MS4A4E: variants seen among roughly 807,000 people sequenced by gnomAD.
MS4A4E encodes the protein putative membrane-spanning 4-domains subfamily A member 4E.
In MS4A4E, 23 loss-of-function variants were observed where a neutral mutation model predicts 13.3. The ratio of observed to expected loss-of-function variants is 1.73; its 90% CI spans 1.25 to 2.45. The LOEUF is 2.45. Among genes scored for constraint, MS4A4E ranks in the 30% most tolerant of loss-of-function variants. The pLI is 0.00. For missense variants in MS4A4E, 144 were observed against 131.2 expected (o/e 1.10, Z -0.48); for synonymous variants, 36 against 45.6 (o/e 0.79, Z 0.85).
intron 4 of MS4A4E, 57 bp from the exon 5 acceptor site, chr11:60,213,189 G>A (rs762065416): frequency 8.1e-6 from 9 of 1,110,792 alleles, no homozygotes; most frequent in South Asian, 1.4e-5. Context: ...ATATATCTCT[G>A]TTAATTACTT....
Position 60,200,273 on chromosome 11 carries a change from T to C in MS4A4E, c.*1270A>G, listed in dbSNP as rs1234640434. Reference sequence around the variant, plus strand: ...AGGAAAAAAAATACTGGATAAATACTTTTTATTTATTTATTTATTTATTTA... The same window carrying C: ...AGGAAAAAAAATACTGGATAAATACCTTTTATTTATTTATTTATTTATTTA... On this transcript the variant is annotated 3_prime_UTR_variant, in exon 9 of 9. Coordinates refer to ENST00000651255, the MANE Select transcript of MS4A4E (RefSeq NM_001393391.1). Among the ~76,000 whole-genome samples the C allele has an allele frequency of 6.6e-6, 1 of 151,622 alleles. No homozygotes were observed. Among genetic ancestry groups the C allele is most frequent in the African/African-American group, 2.4e-5 (1 of 41,116 alleles).
intron 5 of MS4A4E, among the ~76,000 whole-genome samples, chr11:60,211,960 A>G (rs1393118583): frequency 6.6e-6 from 1 of 152,208 alleles, no homozygotes; most frequent in Non-Finnish European, 1.5e-5. Flanking sequence ...TAATAATTAT[A>G]AAGATTAAAT....
intron 2 of MS4A4E, among the ~76,000 whole-genome samples, chr11:60,229,297 T>G (rs1387207023): frequency 2.0e-5 from 3 of 152,106 alleles, no homozygotes; most frequent in African/African-American, 7.2e-5. Flanking sequence ...TAACTATATT[T>G]CTCTCCAAAA....
intron 3 of MS4A4E, among the ~76,000 whole-genome samples, chr11:60,217,210 G>GA (rs2084207521): frequency 6.6e-6 from 1 of 152,140 alleles, no homozygotes; most frequent in Non-Finnish European, 1.5e-5. Flanking sequence ...AGAAAGAGCT[G>GA]AAATTGTGGA....
Position 60,200,543 on chromosome 11 carries a change from C to T in MS4A4E, c.*1000G>A, listed in dbSNP as rs975476063. ...TCTGTTTAACAAAGCACACCTTGCACCGCCCTTAATCCATTTAACCCTGAG... is the reference window on the plus strand; with the variant it reads ...TCTGTTTAACAAAGCACACCTTGCATCGCCCTTAATCCATTTAACCCTGAG... On this transcript the variant is annotated 3_prime_UTR_variant, in exon 9 of 9. Coordinates refer to ENST00000651255, the MANE Select transcript of MS4A4E (RefSeq NM_001393391.1). Among the ~76,000 whole-genome samples the T allele has an allele frequency of 3.3e-5, 5 of 152,112 alleles. No individual in the cohort carries two copies. Among genetic ancestry groups the T allele is most frequent in the Non-Finnish European group, 7.4e-5 (5 of 68,016 alleles).
At chr11:60,206,512 T>TATGTATATATATATACACAC (rs141037502) in intron 6 of MS4A4E, among the ~76,000 whole-genome samples, 1 of 98,346 alleles carries the variant, frequency 1.0e-5, no homozygotes, top group African/African-American at 4.8e-5. Context: ...TATATATATA[T>TATGTATATATATATACACAC]ACACACACAC....
chr11:60,206,257 A>G (rs1466502057), intron 6 of MS4A4E, among the ~76,000 whole-genome samples: 1 of 151,808 alleles, frequency 6.6e-6, no homozygotes, highest in Admixed American at 6.6e-5. Context: ...TTTTAGCAAT[A>G]CCTTTTTGCC....
chr11:60,225,645 T>A (rs534497256), intron 3 of MS4A4E, among the ~76,000 whole-genome samples: 2 of 152,144 alleles, frequency 1.3e-5, no homozygotes, highest in African/African-American at 4.8e-5. Context: ...ATTTATGGGA[T>A]GTAGTGAAAG....
chr11:60,226,432 T>C (rs1387515463), intron 3 of MS4A4E, among the ~76,000 whole-genome samples: 2 of 152,120 alleles, frequency 1.3e-5, no homozygotes, highest in Admixed American at 1.3e-4. Flanking sequence ...AAAAGAATTA[T>C]ATACCATAAC....
intron 3 of MS4A4E, among the ~76,000 whole-genome samples, chr11:60,223,861 T>A (rs1174445666): frequency 6.6e-6 from 1 of 152,138 alleles, no homozygotes; most frequent in African/African-American, 2.4e-5. Context: ...TCCTTGTGAT[T>A]GTGTGACTCA....
rs542035636 is a variant in MS4A4E, at chr11:60,222,489, G to A, written c.178+6105C>T. 2.0e-5 allele frequency among the ~76,000 whole-genome samples: 3 copies of A among 152,266 alleles called. No homozygotes were observed. In the South Asian group the frequency reaches 6.2e-4, roughly 32 times the overall value. ...CCAGGTGACAATACTTTTCAGGGCT[G>A]GGGCAATGTTCTCCAGAAGGCTGTG... On this transcript the variant is annotated intron_variant, in intron 3 of 8. Transcript: ENST00000651255.
intron 3 of MS4A4E, among the ~76,000 whole-genome samples, chr11:60,216,873 A>G (rs2134936802): frequency 6.6e-6 from 1 of 152,256 alleles, no homozygotes; most frequent in South Asian, 2.1e-4. Context: ...TGGAAAGACT[A>G]GACTCATTTA....
At position 60,212,214 on chromosome 11, in the gene MS4A4E, G is replaced by A. The variant is rs1473678687; in HGVS notation, c.381+760C>T. Among the ~76,000 whole-genome samples the A allele has an allele frequency of 2.0e-5, 3 of 151,836 alleles. No homozygotes were observed. The East Asian group carries it at 5.8e-4, about 29-fold the overall frequency. Reference sequence around the variant, plus strand: ...AGGATAAAAGTGGTTAACGTTGCAAGAACATCCAAAGATGTGGGAAAGGAT... The same window carrying A: ...AGGATAAAAGTGGTTAACGTTGCAAAAACATCCAAAGATGTGGGAAAGGAT... On this transcript the variant is annotated intron_variant, in intron 5 of 8. Coordinates refer to ENST00000651255, the MANE Select transcript of MS4A4E (RefSeq NM_001393391.1).
rs1008942679 is a variant in MS4A4E, at chr11:60,201,478, G to A, written c.*65C>T. On this transcript the variant is annotated 3_prime_UTR_variant, in exon 9 of 9. Transcript: ENST00000651255. Reference sequence around the variant, plus strand: ...CGCTCCTCACCTCCCAGACGGGGTCGCGGCCGGGCAGAGGTGCTCCTCACA... The same window carrying A: ...CGCTCCTCACCTCCCAGACGGGGTCACGGCCGGGCAGAGGTGCTCCTCACA... 32 of 235,504 alleles carry A rather than the reference G, an allele frequency of 1.4e-4. 1 individual carries two copies. The highest frequency in any genetic ancestry group is 2.2e-4 in the Non-Finnish European group (25 of 115,982). The allele number at this position is 235,504 out of a possible 1,614,324, so 14.6% of individuals were successfully genotyped here.
At chr11:60,237,104 C>T (rs979336727) in intron 1 of MS4A4E, among the ~76,000 whole-genome samples, 1 of 152,160 alleles carries the variant, frequency 6.6e-6, no homozygotes, top group Non-Finnish European at 1.5e-5. Context: ...TTCCCAGCCT[C>T]CACCCTCTAA....
chr11:60,226,367 C>A (rs895750583), intron 3 of MS4A4E, among the ~76,000 whole-genome samples: 5 of 150,774 alleles, frequency 3.3e-5, no homozygotes, highest in Non-Finnish European at 5.9e-5. Context: ...CTCTGGTGAA[C>A]AAAGATGCAA....
intron 5 of MS4A4E, among the ~76,000 whole-genome samples, chr11:60,209,399 A>G (rs1284128916): frequency 6.6e-6 from 1 of 152,232 alleles, no homozygotes; most frequent in Non-Finnish European, 1.5e-5. Flanking sequence ...AAGCCAGAAA[A>G]GGCAGTAAAA....
chr11:60,214,478 A>T, intron 4 of MS4A4E, 93 bp downstream of exon 4: 1 of 919,066 alleles, frequency 1.1e-6, no homozygotes, highest in Non-Finnish European at 1.5e-6. Context: ...TGACTTTTTT[A>T]AAAACAAACA....
At chr11:60,228,525 G>A (rs1259937269) in intron 3 of MS4A4E, 69 bp downstream of exon 3, 1 of 633,904 alleles carries the variant, frequency 1.6e-6, no homozygotes, top group Non-Finnish European at 2.8e-6. Context: ...AAGTAACAGG[G>A]AAGACAGTTT....
Sources: gnomAD v4.1 joint callset for allele counts (sites outside exome capture counted in the v4.1 genomes callset) on GRCh38, gnomAD v4.1.1 for gene constraint, MANE v1.5 for transcripts, NCBI Gene and HGNC (gene_info 2026-07-23, HGNC 2026-07-21) for gene names.